CSMD2: variants seen among roughly 807,000 people sequenced by gnomAD.
CSMD2 encodes the protein CUB and Sushi multiple domains 2.
CSMD2 carries 130 observed loss-of-function variants against 398.5 expected under a neutral mutation model. That is an observed-to-expected ratio of 0.33 (90% CI 0.28 to 0.38). CSMD2 has a LOEUF of 0.38. Among genes scored for constraint, CSMD2 ranks in the 10% least tolerant of loss-of-function variants. CSMD2 has a pLI of 1.00. For synonymous variants in CSMD2, 1,828 were observed against 1,908.5 expected, an observed-to-expected ratio of 0.96 and a Z score of 1.10; for missense variants, 3,829 against 4,764.9, an observed-to-expected ratio of 0.80 and a Z score of 5.78.
At chr1:34,084,566 G>A (rs953507512) in intron 2 of CSMD2, among the ~76,000 whole-genome samples, 30 of 151,974 alleles carry the variant, frequency 2.0e-4, no homozygotes, top group African/African-American at 5.8e-4. Context: ...AAAAGTGGGC[G>A]AAGGACATGA....
intron 3 of CSMD2, among the ~76,000 whole-genome samples, chr1:34,027,220 G>A (rs896370296): frequency 6.6e-6 from 1 of 152,196 alleles, no homozygotes; most frequent in African/African-American, 2.4e-5. Context: ...AGTAGGCAGA[G>A]ACCAAGAGAG....
intron 25 of CSMD2, among the ~76,000 whole-genome samples, chr1:33,680,454 G>C (rs186249082): frequency 1.3e-5 from 2 of 152,140 alleles, no homozygotes; most frequent in Non-Finnish European, 2.9e-5. Flanking sequence ...CCGTCGTCTT[G>C]GGGCCTCTCT....
rs149729846 is a variant in CSMD2 at position 33,814,579 on chromosome 1, C to A, written c.1325-3715G>T. ...TGTCCCACTCTCTAAGAATGCAATT[C>A]TATCTGCACGTGTACTCAATTCCTT... On this transcript the variant is annotated intron_variant, in intron 9 of 70. Coordinates refer to ENST00000373381, the MANE Select transcript of CSMD2 (RefSeq NM_001281956.2). Among the ~76,000 whole-genome samples, 4 of 152,302 alleles carry A rather than the reference C, an allele frequency of 2.6e-5. No individual in the cohort carries two copies. The East Asian group carries it at 7.7e-4, about 29-fold the overall frequency.
chr1:33,964,372 C>G (rs1245525862), intron 3 of CSMD2, among the ~76,000 whole-genome samples: 1 of 152,226 alleles, frequency 6.6e-6, no homozygotes, highest in Non-Finnish European at 1.5e-5. Flanking sequence ...ATCAGCATCT[C>G]ATCCATATCT....
intron 25 of CSMD2, among the ~76,000 whole-genome samples, chr1:33,691,894 A>G (rs1285459177): frequency 6.6e-6 from 1 of 150,518 alleles, no homozygotes; most frequent in African/African-American, 2.4e-5. Flanking sequence ...CTCCTTTCAT[A>G]CCTCCGCTCA....
intron 5 of CSMD2, chr1:33,869,137 A>C (rs1640262013): frequency 6.6e-6 from 1 of 152,262 alleles, no homozygotes; most frequent in Non-Finnish European, 1.5e-5. Context: ...TGAGAGCCAC[A>C]GAGAGATTTC....
chr1:33,759,453 G>A lies in CSMD2; in HGVS notation c.1846+13116C>T, dbSNP rs1649526681. On this transcript the variant is annotated intron_variant, in intron 13 of 70. Coordinates refer to ENST00000373381, the MANE Select transcript of CSMD2 (RefSeq NM_001281956.2). ...CCATTCTCCTGCCTCAGCCTCCTGA[G>A]TACCTGGGACTACAGGCGCCCGCCA... Among the ~76,000 whole-genome samples, 3 of 150,982 alleles carry A rather than the reference G, an allele frequency of 2.0e-5. No individual in the cohort carries two copies. In the South Asian group the frequency reaches 6.3e-4, roughly 32 times the overall value.
At chr1:34,065,986 T>C (rs1570985490) in intron 2 of CSMD2, among the ~76,000 whole-genome samples, 1 of 152,176 alleles carries the variant, frequency 6.6e-6, no homozygotes, top group African/African-American at 2.4e-5. Context: ...GGTCAAGACA[T>C]AATGGTCAAC....
At chr1:33,799,306 T>C (rs1050238358) in intron 10 of CSMD2, among the ~76,000 whole-genome samples, 4 of 152,250 alleles carry the variant, frequency 2.6e-5, no homozygotes, top group Non-Finnish European at 5.9e-5. Context: ...AGAAGTTTGC[T>C]GATGGCTTCC....
chr1:33,751,570 T>G (rs1422530074), intron 13 of CSMD2, among the ~76,000 whole-genome samples: 1 of 152,192 alleles, frequency 6.6e-6, no homozygotes, highest in African/African-American at 2.4e-5. Flanking sequence ...AGTTTGGGTA[T>G]GAAAGAGACT....
intron 6 of CSMD2, among the ~76,000 whole-genome samples, chr1:33,827,014 C>T (rs1658902463): frequency 6.6e-6 from 1 of 152,212 alleles, no homozygotes. Context: ...CAAACCCACA[C>T]ACAATCCATC....
chr1:33,743,529 G>A lies in CSMD2; in HGVS notation c.1924C>T (p.Leu642Phe). The change falls in exon 14 of 71, where the codon CTC becomes TTC. Residue 642 changes from leucine (L) to phenylalanine (F), a missense_variant. Leu to Phe is a conservative substitution (Grantham distance 22). This residue lies in a region of CSMD2 where 2,001 missense variants were observed against 2,567.1 expected (regional missense o/e 0.78). Coordinates refer to ENST00000373381, the MANE Select transcript of CSMD2 (RefSeq NM_001281956.2). ...PNYPEDYGNHLHCVWLILARP... is the reference protein window; with the variant it reads ...PNYPEDYGNHFHCVWLILARP... ...GCCAGGATGAGCCAGACACAGTGGAGGTGGTTGCCATAGTCCTCTGGGTAG... is the reference window on the plus strand; with the variant it reads ...GCCAGGATGAGCCAGACACAGTGGAAGTGGTTGCCATAGTCCTCTGGGTAG... The A allele has an allele frequency of 6.2e-7, 1 of 1,614,060 alleles. No individual in the cohort carries two copies. The highest frequency in any genetic ancestry group is 1.3e-5 in the African/African-American group (1 of 75,070).
intron 3 of CSMD2, among the ~76,000 whole-genome samples, chr1:33,981,767 G>A (rs1646175934): frequency 1.3e-5 from 2 of 152,230 alleles, no homozygotes; most frequent in Admixed American, 1.3e-4. Context: ...GGCTGGACAG[G>A]CCATCAGAGG....
At chr1:33,877,817 T>C (rs1206027604) in intron 5 of CSMD2, among the ~76,000 whole-genome samples, 1 of 151,950 alleles carries the variant, frequency 6.6e-6, no homozygotes, top group Non-Finnish European at 1.5e-5. Flanking sequence ...TGCCCAGGGT[T>C]GCTGCCAAGC....
At chr1:33,861,776 G>A (rs571490696) in intron 5 of CSMD2, among the ~76,000 whole-genome samples, 26 of 152,264 alleles carry the variant, frequency 1.7e-4, no homozygotes, top group Non-Finnish European at 7.4e-5. Flanking sequence ...GGCAGGAGGA[G>A]ATAAAGAAAG....
rs541491331 is a variant in CSMD2 at position 33,564,784 on chromosome 1, TGGCCCC to T, written c.8380+2803_8380+2808del. 2.7e-3 allele frequency among the ~76,000 whole-genome samples: 411 copies of T among 152,312 alleles called. 1 individual carries two copies. The highest frequency in any genetic ancestry group is 0.01 in the Middle Eastern group (3 of 294). Reference sequence around the variant, plus strand: ...TTTTTGAGAAGTTCTCATTATTTTATGGCCCCATCCCATATATAAAAAGCCAAAAGA... The same window carrying T: ...TTTTTGAGAAGTTCTCATTATTTTATATCCCATATATAAAAAGCCAAAAGA... On this transcript the variant is annotated intron_variant, in intron 53 of 70. Coordinates refer to ENST00000373381, the MANE Select transcript of CSMD2 (RefSeq NM_001281956.2).
chr1:33,569,482 C>T lies in CSMD2; in HGVS notation c.8023G>A (p.Gly2675Arg), dbSNP rs763199591. 1.2e-6 allele frequency: 2 copies of T among 1,613,982 alleles called. No homozygotes were observed. Among genetic ancestry groups the T allele is most frequent in the African/African-American group, 1.3e-5 (1 of 74,896 alleles). Residue 2675 changes from glycine to arginine, a missense_variant, in exon 52 of 71, where the codon GGG (glycine) becomes AGG (arginine). Gly to Arg is a moderately radical substitution (Grantham distance 125). Coordinates refer to ENST00000373381, the MANE Select transcript of CSMD2 (RefSeq NM_001281956.2). The stretch of plus-strand genomic sequence containing the variant: ...TTGCAGGAGAAGATGGCTGTTGCCC[C>T]GTAGACAGACAGTGTTCCGATGCGG... The part of the protein sequence containing the change: ...GHRIGTLSVY[G>R]ATAIFSCNSG...
At chr1:33,588,589 A>T (rs1044090898) in intron 44 of CSMD2, among the ~76,000 whole-genome samples, 4 of 152,226 alleles carry the variant, frequency 2.6e-5, no homozygotes, top group Non-Finnish European at 4.4e-5. Flanking sequence ...AAAAGTAATT[A>T]AGACAAAATA....
intron 1 of CSMD2, among the ~76,000 whole-genome samples, chr1:34,108,676 G>T (rs1660756604): frequency 6.6e-6 from 1 of 152,178 alleles, no homozygotes; most frequent in Non-Finnish European, 1.5e-5. Flanking sequence ...GGAATGAAGG[G>T]ATAGAAAGAG....
Sources: allele counts gnomAD v4.1 joint callset (sites outside exome capture counted in the v4.1 genomes callset), GRCh38; gene constraint gnomAD v4.1.1; regional missense constraint gnomAD v4.1.1; transcripts MANE v1.5; gene names NCBI Gene and HGNC (gene_info 2026-07-23, HGNC 2026-07-21).